GPR83: variants seen among roughly 807,000 people sequenced by gnomAD.
The protein encoded by GPR83 is G-protein coupled receptor 72.
A neutral mutation model predicts 28.0 loss-of-function variants in GPR83; 23 were observed. That is an observed-to-expected ratio of 0.82 (90% CI 0.59 to 1.16). GPR83 has a LOEUF of 1.16. Among genes scored for constraint, GPR83 ranks in the 50% most tolerant of loss-of-function variants. GPR83 has a pLI of 0.00. For synonymous variants in GPR83, 234 were observed against 215.4 expected, an observed-to-expected ratio of 1.09 and a Z score of -0.76; for missense variants, 610 against 536.6, an observed-to-expected ratio of 1.14 and a Z score of -1.35.
rs561920432 is a variant in GPR83 at position 94,380,875 on chromosome 11, T to C, written c.648-102A>G. 5.6e-5 allele frequency: 53 copies of C among 939,792 alleles called. No individual in the cohort carries two copies. In the African/African-American group the frequency reaches 7.1e-4, roughly 13 times the overall value. 58.2% of individuals were successfully genotyped at this position (939,792 alleles called of 1,614,324 possible). A position where few individuals can be genotyped will look rare whatever the true frequency, so the allele number is the denominator to read the frequency against. ...GCACTGGCCTCTCCTTCCACTGGGC[T>C]CCTGGTACATCCATCTAATATGGCA... On this transcript the variant is annotated intron_variant, in intron 3 of 3. Coordinates refer to ENST00000243673, the MANE Select transcript of GPR83 (RefSeq NM_016540.4).
At position 94,395,580 on chromosome 11, in the gene GPR83, T is replaced by A. The variant is rs1170352826; in HGVS notation, c.513+819A>T. Among the ~76,000 whole-genome samples the A allele has an allele frequency of 2.6e-5, 4 of 152,236 alleles. No homozygotes were observed. The East Asian group carries it at 7.7e-4, about 29-fold the overall frequency. On this transcript the variant is annotated intron_variant, in intron 2 of 3. Transcript: ENST00000243673. Reference sequence around the variant, plus strand: ...TCCATTCTATAATTCAGCGTAGGTCTAAGCGTACAACGTGAGTTCATTGAG... The same window carrying A: ...TCCATTCTATAATTCAGCGTAGGTCAAAGCGTACAACGTGAGTTCATTGAG...
At position 94,401,306 on chromosome 11, in the gene GPR83, A is replaced by C. The variant is rs3824878; in HGVS notation, c.-59T>G. ...GGGCCGGGCGTCCCCTCCCGCTGGG[A>C]TCGGAGCGCGCAGCCGGGGTGCGGG... is the stretch of plus-strand genomic sequence containing the variant. On this transcript the variant is annotated 5_prime_UTR_variant, in exon 1 of 4. Transcript: ENST00000243673. 0.66 allele frequency: 992,486 copies of C among 1,493,230 alleles called. 331,096 individuals carry two copies. Among genetic ancestry groups the C allele is most frequent in the South Asian group, 0.77 (58,015 of 75,552 alleles). The allele number at this position is 1,493,230 out of a possible 1,614,324, so 92.5% of individuals were successfully genotyped here. A position where few individuals can be genotyped will look rare whatever the true frequency, so the allele number is the denominator to read the frequency against.
At chr11:94,391,606 A>G (rs1193912297) in intron 3 of GPR83, among the ~76,000 whole-genome samples, 1 of 152,224 alleles carries the variant, frequency 6.6e-6, no homozygotes, top group Non-Finnish European at 1.5e-5. Context: ...ATCTACAAAG[A>G]ACTTAAACAA....
intron 3 of GPR83, among the ~76,000 whole-genome samples, chr11:94,384,680 G>A (rs983773688): frequency 2.6e-5 from 4 of 152,220 alleles, no homozygotes; most frequent in African/African-American, 9.6e-5. Context: ...TGAGGCTTGA[G>A]TAGGTAAACA....
At position 94,379,868 on chromosome 11, in the gene GPR83, G is replaced by C. The variant is rs1591599089; in HGVS notation, c.*281C>G. On this transcript the variant is annotated 3_prime_UTR_variant, in exon 4 of 4. Coordinates refer to ENST00000243673, the MANE Select transcript of GPR83 (RefSeq NM_016540.4). ...CAGTTGAATGATTCAGCCCCCATCT[G>C]GGCCAACGTTGTCCTCGCTCCTCTT... The C allele has an allele frequency of 7.3e-6, 2 of 273,832 alleles. No individual in the cohort carries two copies. Among genetic ancestry groups the C allele is most frequent in the East Asian group, 1.3e-4 (2 of 15,596 alleles). 17.0% of individuals were successfully genotyped at this position (273,832 alleles called of 1,614,324 possible). A position where few individuals can be genotyped will look rare whatever the true frequency, so the allele number is the denominator to read the frequency against.
At chr11:94,393,016 T>C (rs377244825) in intron 3 of GPR83, among the ~76,000 whole-genome samples, 12 of 152,082 alleles carry the variant, frequency 7.9e-5, no homozygotes, top group African/African-American at 2.9e-4. Context: ...AAACTGAGTG[T>C]TGAAAGAAAG....
chr11:94,388,646 A>AGT (rs1326997637), intron 3 of GPR83, among the ~76,000 whole-genome samples: 7 of 152,238 alleles, frequency 4.6e-5, no homozygotes, highest in Non-Finnish European at 8.8e-5. Flanking sequence ...AAGGAGAACT[A>AGT]CAAACCACTG....
At chr11:94,383,231 G>T (rs1003546211) in intron 3 of GPR83, among the ~76,000 whole-genome samples, 2 of 151,522 alleles carry the variant, frequency 1.3e-5, no homozygotes, top group Non-Finnish European at 2.9e-5. Flanking sequence ...GCTACGAAAT[G>T]CCTACTGAGT....
intron 3 of GPR83, among the ~76,000 whole-genome samples, chr11:94,381,505 T>G: frequency 6.6e-6 from 1 of 152,056 alleles, no homozygotes; most frequent in Middle Eastern, 3.4e-3. Flanking sequence ...TTAGTTGAAA[T>G]CTGCCTTCCG....
Position 94,378,857 on chromosome 11 carries a change from G to C in GPR83, c.*1292C>G, listed in dbSNP as rs184771918. 8 of 152,348 alleles carry C rather than the reference G, an allele frequency of 5.3e-5. No homozygotes were observed. The East Asian group carries it at 1.6e-3, about 30-fold the overall frequency. 9.4% of individuals were successfully genotyped at this position (152,348 alleles called of 1,614,324 possible). ...AGGAGAGAAGGAATCATGCCTCCTGGTTGAGTTTGATTCCCTGGTTCATCT... is the reference window on the plus strand; with the variant it reads ...AGGAGAGAAGGAATCATGCCTCCTGCTTGAGTTTGATTCCCTGGTTCATCT... On this transcript the variant is annotated 3_prime_UTR_variant, in exon 4 of 4. Transcript: ENST00000243673.
At chr11:94,393,174 G>A (rs1003269202) in intron 3 of GPR83, among the ~76,000 whole-genome samples, 1 of 152,202 alleles carries the variant, frequency 6.6e-6, no homozygotes, top group African/African-American at 2.4e-5. Flanking sequence ...CAAGGCCTTG[G>A]TGACTGGGAT....
rs1194575185 is a variant in GPR83 at position 94,380,608 on chromosome 11, C to T, written c.813G>A (p.Met271Ile). Reference sequence around the variant, plus strand: ...ACTGCTCTGTGGTCACATCGCCAATCATATTACACAGCCACAGTTTCTTGG... The same window carrying T: ...ACTGCTCTGTGGTCACATCGCCAATTATATTACACAGCCACAGTTTCTTGG... ...RVAKKLWLCNMIGDVTTEQYF... is the reference protein window; with the variant it reads ...RVAKKLWLCNIIGDVTTEQYF... Residue 271 changes from methionine to isoleucine, a missense_variant, in exon 4 of 4, where the codon ATG (methionine) becomes ATA (isoleucine). Physicochemically the swap from Met to Ile is conservative, Grantham distance 10. Transcript: ENST00000243673. 1 of 1,614,006 alleles carries T rather than the reference C, an allele frequency of 6.2e-7. No homozygotes were observed. Among genetic ancestry groups the T allele is most frequent in the African/African-American group, 1.3e-5 (1 of 74,922 alleles).
rs1240586773 is a variant in GPR83, at chr11:94,378,821, T to G, written c.*1328A>C. 6.6e-6 allele frequency: 1 copy of G among 152,502 alleles called. No individual in the cohort carries two copies. The highest frequency in any genetic ancestry group is 6.6e-5 in the Admixed American group (1 of 15,262). The allele number at this position is 152,502 out of a possible 1,614,324, so 9.4% of individuals were successfully genotyped here. On this transcript the variant is annotated 3_prime_UTR_variant, in exon 4 of 4. Coordinates refer to ENST00000243673, the MANE Select transcript of GPR83 (RefSeq NM_016540.4). ...ACAATGTTTCACCACCACTTGTTTTTGTGCAATTGCAGGAGAGAAGGAATC... is the reference window on the plus strand; with the variant it reads ...ACAATGTTTCACCACCACTTGTTTTGGTGCAATTGCAGGAGAGAAGGAATC...
chr11:94,391,758 C>T (rs1235143427), intron 3 of GPR83, among the ~76,000 whole-genome samples: 1 of 152,118 alleles, frequency 6.6e-6, no homozygotes, highest in African/African-American at 2.4e-5. Context: ...AAATGCAAAT[C>T]AAAATTACAA....
chr11:94,399,586 A>C (rs1354992464), intron 1 of GPR83, among the ~76,000 whole-genome samples: 1 of 152,220 alleles, frequency 6.6e-6, no homozygotes, highest in Non-Finnish European at 1.5e-5. Context: ...ATGTGAGGGT[A>C]CTTTTTCAAT....
At chr11:94,388,186 G>A (rs1944779348) in intron 3 of GPR83, among the ~76,000 whole-genome samples, 1 of 152,200 alleles carries the variant, frequency 6.6e-6, no homozygotes, top group Admixed American at 6.5e-5. Flanking sequence ...AATAATAAGA[G>A]CTATCTATGA....
chr11:94,383,981 T>C (rs1035110808), intron 3 of GPR83, among the ~76,000 whole-genome samples: 1 of 152,234 alleles, frequency 6.6e-6, no homozygotes, highest in South Asian at 2.1e-4. Flanking sequence ...TAACTCATTT[T>C]ATTAGGCCAG....
At position 94,401,276 on chromosome 11, in the gene GPR83, C is replaced by A. The variant is rs1430667007; in HGVS notation, c.-29G>T. On this transcript the variant is annotated 5_prime_UTR_variant, in exon 1 of 4. Transcript: ENST00000243673. ...GCAGGAGCCACCCCTCCCCTGGGAG[C>A]CTGCGGGCCGGGCGTCCCCTCCCGC... is the stretch of plus-strand genomic sequence containing the variant. 1 of 1,552,990 alleles carries A rather than the reference C, an allele frequency of 6.4e-7. No homozygotes were observed. The highest frequency in any genetic ancestry group is 1.2e-5 in the South Asian group (1 of 82,968).
chr11:94,385,236 C>T (rs1944740163), intron 3 of GPR83, among the ~76,000 whole-genome samples: 2 of 152,228 alleles, frequency 1.3e-5, no homozygotes, highest in African/African-American at 4.8e-5. Context: ...GATAAAACCA[C>T]AAAGATGGGG....
Sources: gnomAD v4.1 joint callset for allele counts (sites outside exome capture counted in the v4.1 genomes callset) on GRCh38, gnomAD v4.1.1 for gene constraint, MANE v1.5 for transcripts, NCBI Gene and HGNC (gene_info 2026-07-23, HGNC 2026-07-21) for gene names.